Variants in DSCAM observed in about 807,000 individuals in gnomAD.
The protein encoded by DSCAM is cell adhesion molecule DSCAM.
In DSCAM, 47 loss-of-function variants were observed where a neutral mutation model predicts 217.7. That is an observed-to-expected ratio of 0.22 (90% CI 0.17 to 0.28). The LOEUF is 0.28. Ranked by LOEUF, DSCAM falls within the 10% of genes least tolerant of loss-of-function variation. The pLI is 1.00. For synonymous variants in DSCAM, 1,056 were observed against 1,015.3 expected, an observed-to-expected ratio of 1.04 and a Z score of -0.76; for missense variants, 2,080 against 2,618.3, an observed-to-expected ratio of 0.79 and a Z score of 4.49.
chr21:40,215,448 A>T (rs1216814570), intron 11 of DSCAM, among the ~76,000 whole-genome samples: 1 of 150,800 alleles, frequency 6.6e-6, no homozygotes, highest in Non-Finnish European at 1.5e-5. Context: ...AAAAATTGTG[A>T]TATATATACC....
intron 3 of DSCAM, among the ~76,000 whole-genome samples, chr21:40,380,923 C>T (rs2075014330): frequency 6.6e-6 from 1 of 151,748 alleles, no homozygotes; most frequent in South Asian, 2.1e-4. Flanking sequence ...ATTAGCCGGG[C>T]GTGGTGGCGG....
At position 40,353,571 on chromosome 21, in the gene DSCAM, C is replaced by T. The variant is rs781225510; in HGVS notation, c.828G>A (p.Thr276=). The change falls in exon 5 of 33, where the codon ACG becomes ACA. Residue 276 remains threonine (T), a synonymous_variant. Coordinates refer to ENST00000400454, the MANE Select transcript of DSCAM (RefSeq NM_001389.5). ...GGCGAATGTTCTCAATGAGCAGCCC[C>T]GTCACGGTCTTCTGGAACCTCCCTG... ...ELSGRFQKTV[T]GLLIENIRPS... The T allele has an allele frequency of 6.8e-5, 109 of 1,611,086 alleles. No homozygotes were observed. The highest frequency in any genetic ancestry group is 1.1e-4 in the East Asian group (5 of 44,852).
At chr21:40,685,008 C>T (rs1258401967) in intron 3 of DSCAM, among the ~76,000 whole-genome samples, 1 of 152,098 alleles carries the variant, frequency 6.6e-6, no homozygotes, top group Non-Finnish European at 1.5e-5. Context: ...TTAGGTGGAG[C>T]AAGGGAAGAG....
At chr21:40,381,466 A>T (rs1245181550) in intron 3 of DSCAM, among the ~76,000 whole-genome samples, 2 of 152,214 alleles carry the variant, frequency 1.3e-5, no homozygotes, top group East Asian at 3.9e-4. Context: ...GTGGGTGCAC[A>T]ATACAGTGCT....
chr21:40,188,036 CT>C, intron 12 of DSCAM, 49 bp from the exon 13 acceptor site: 1 of 1,472,960 alleles, frequency 6.8e-7, no homozygotes. Flanking sequence ...GGCAAAATGA[CT>C]TTGAGCCGTA....
At chr21:40,265,182 C>A (rs573212053) in intron 11 of DSCAM, among the ~76,000 whole-genome samples, 2 of 144,174 alleles carry the variant, frequency 1.4e-5, no homozygotes, top group Non-Finnish European at 3.0e-5. Flanking sequence ...GGGGACAGAG[C>A]AAAATTCCGT....
intron 20 of DSCAM, among the ~76,000 whole-genome samples, chr21:40,120,280 T>G (rs1435089373): frequency 6.6e-6 from 1 of 152,250 alleles, no homozygotes; most frequent in Non-Finnish European, 1.5e-5. Context: ...ATTTTATGCC[T>G]TCTGATTTTT....
At chr21:40,577,517 T>A (rs2076862824) in intron 3 of DSCAM, among the ~76,000 whole-genome samples, 1 of 152,124 alleles carries the variant, frequency 6.6e-6, no homozygotes. Flanking sequence ...TCTCGCCCAG[T>A]GGCGTTAATA....
At chr21:40,612,998 T>G (rs897555179) in intron 3 of DSCAM, among the ~76,000 whole-genome samples, 4 of 152,154 alleles carry the variant, frequency 2.6e-5, no homozygotes, top group African/African-American at 7.2e-5. Context: ...TCAAGTTGGC[T>G]CAAGAGTATT....
intron 11 of DSCAM, among the ~76,000 whole-genome samples, chr21:40,207,496 T>G (rs1046014623): frequency 9.2e-5 from 14 of 152,180 alleles, no homozygotes; most frequent in African/African-American, 3.1e-4. Context: ...TATTTTATCC[T>G]AGGAAATTAA....
chr21:40,625,780 C>A (rs1210554703), intron 3 of DSCAM, among the ~76,000 whole-genome samples: 1 of 152,100 alleles, frequency 6.6e-6, no homozygotes, highest in African/African-American at 2.4e-5. Flanking sequence ...AACACATAAA[C>A]AAATAACAAC....
intron 1 of DSCAM, among the ~76,000 whole-genome samples, chr21:40,719,120 GA>G (rs2090874361): frequency 6.6e-6 from 1 of 150,548 alleles, no homozygotes; most frequent in Admixed American, 6.6e-5. Context: ...TGTCTCCAAA[GA>G]AGAAAAACAC....
chr21:40,344,425 T>C (rs1360605619), intron 6 of DSCAM, among the ~76,000 whole-genome samples: 1 of 152,242 alleles, frequency 6.6e-6, no homozygotes, highest in Non-Finnish European at 1.5e-5. Flanking sequence ...CATTTATTAA[T>C]GTGCAGGGCT....
At chr21:40,446,767 G>A (rs1822140545) in intron 3 of DSCAM, among the ~76,000 whole-genome samples, 1 of 152,154 alleles carries the variant, frequency 6.6e-6, no homozygotes, top group Non-Finnish European at 1.5e-5. Flanking sequence ...TCAACTTAAA[G>A]TAGAGCAACC....
chr21:40,507,713 C>T (rs546181047), intron 3 of DSCAM, among the ~76,000 whole-genome samples: 3 of 152,228 alleles, frequency 2.0e-5, no homozygotes, highest in Non-Finnish European at 2.9e-5. Flanking sequence ...TCTCTTGAGC[C>T]TGGAAGGTGG....
chr21:40,431,016 C>T (rs560153581), intron 3 of DSCAM, among the ~76,000 whole-genome samples: 8 of 152,254 alleles, frequency 5.3e-5, no homozygotes, highest in Admixed American at 6.5e-5. Context: ...ACCAGCAATT[C>T]GAAAAGCAAA....
chr21:40,750,755 C>A (rs1341121101), intron 1 of DSCAM, among the ~76,000 whole-genome samples: 1 of 152,162 alleles, frequency 6.6e-6, no homozygotes, highest in Non-Finnish European at 1.5e-5. Flanking sequence ...AGTCCCTCTG[C>A]CATTCTAACT....
At chr21:40,425,656 G>A (rs1346622885) in intron 3 of DSCAM, among the ~76,000 whole-genome samples, 29 of 96,806 alleles carry the variant, frequency 3.0e-4, no homozygotes, top group African/African-American at 8.6e-4. Context: ...AACAAAGAGC[G>A]AAACTCGGTG....
intron 32 of DSCAM, among the ~76,000 whole-genome samples, chr21:40,022,224 A>G (rs2088285106): frequency 1.3e-5 from 2 of 152,210 alleles, no homozygotes; most frequent in Admixed American, 1.3e-4. Context: ...GACATGTAGC[A>G]AAGTCTGGAG....
Sources: gnomAD v4.1 joint callset for allele counts (sites outside exome capture counted in the v4.1 genomes callset) on GRCh38, gnomAD v4.1.1 for gene constraint, MANE v1.5 for transcripts, NCBI Gene and HGNC (gene_info 2026-07-23, HGNC 2026-07-21) for gene names.